Variants in TLL2 observed in about 807,000 individuals in gnomAD.
TLL2 encodes tolloid-like protein 2.
Under a neutral mutation model 123.0 loss-of-function variants are expected in TLL2, and 106 were observed. The observed-to-expected ratio is 0.86, with a 90% CI of 0.74 to 1.01. The LOEUF (loss-of-function observed/expected upper bound fraction) is 1.01, where lower values mean the gene tolerates loss of function less well. Ranked by LOEUF, TLL2 falls within the 50% of genes least tolerant of loss-of-function variation. The probability of loss-of-function intolerance (pLI) is 0.00; values close to 1 mark genes in which losing one functional copy is unlikely to be tolerated. For synonymous variants in TLL2, 494 were observed against 516.8 expected, an observed-to-expected ratio of 0.96 and a Z score of 0.60; for missense variants, 1,332 against 1,336.7, an observed-to-expected ratio of 1.00 and a Z score of 0.06.
Position 96,446,137 on chromosome 10 carries a change from GCTGCTCTCAGATGC to G in TLL2, c.304_317del (p.Ala102ProfsTer75). The G allele has an allele frequency of 6.2e-7, 1 of 1,614,066 alleles. No individual in the cohort carries two copies. The highest frequency in any genetic ancestry group is 8.5e-7 in the Non-Finnish European group (1 of 1,180,000). On this transcript the variant is annotated frameshift_variant, in exon 3 of 21. Coordinates refer to ENST00000357947, the MANE Select transcript of TLL2 (RefSeq NM_012465.4). LOFTEE classifies it high-confidence loss of function. The stretch of plus-strand genomic sequence containing the variant: ...CAGTGTCCATGGCTGTGGTGTCTGG[GCTGCTCTCAGATGC>G]CTGCTCTTCAAGCCCACCTAGAGGA...
intron 1 of TLL2, among the ~76,000 whole-genome samples, chr10:96,497,084 T>C (rs1847484203): frequency 6.6e-6 from 1 of 151,238 alleles, no homozygotes; most frequent in African/African-American, 2.4e-5. Flanking sequence ...AGTTTAAAAC[T>C]AGCCTGGGAA....
intron 10 of TLL2, among the ~76,000 whole-genome samples, chr10:96,403,661 C>T (rs2134066739): frequency 6.6e-6 from 1 of 152,274 alleles, no homozygotes; most frequent in Non-Finnish European, 1.5e-5. Flanking sequence ...ATGAGAAAGA[C>T]CTGACCGTCC....
chr10:96,411,839 G>A (rs78286067), intron 8 of TLL2, among the ~76,000 whole-genome samples: 4 of 152,170 alleles, frequency 2.6e-5, no homozygotes, highest in Non-Finnish European at 4.4e-5. Context: ...GCCCATTATC[G>A]GCCTCAGGAA....
intron 3 of TLL2, among the ~76,000 whole-genome samples, chr10:96,438,718 T>C (rs1846821521): frequency 1.3e-5 from 2 of 152,364 alleles, no homozygotes; most frequent in South Asian, 4.1e-4. Context: ...AAAGCAGACA[T>C]CCTTGCCTTG....
intron 11 of TLL2, 99 bp from the exon 12 acceptor site, chr10:96,396,119 C>G: frequency 8.6e-6 from 12 of 1,391,286 alleles, no homozygotes; most frequent in South Asian, 1.6e-5. Flanking sequence ...CTTGCCACCA[C>G]TAGGTGGCTC....
chr10:96,450,696 G>A (rs1172538017), intron 2 of TLL2, among the ~76,000 whole-genome samples: 2 of 152,126 alleles, frequency 1.3e-5, no homozygotes, highest in East Asian at 1.9e-4. Flanking sequence ...AAATGAGTAC[G>A]ACAGGTGTGG....
chr10:96,388,582 T>C (rs546548790), intron 13 of TLL2, among the ~76,000 whole-genome samples: 1 of 152,298 alleles, frequency 6.6e-6, no homozygotes, highest in African/African-American at 2.4e-5. Context: ...ACTTGAAAAC[T>C]CCCAGAGACA....
chr10:96,397,193 C>T lies in TLL2; in HGVS notation c.1377G>A (p.Ala459=), dbSNP rs750004312. 3.7e-5 allele frequency: 60 copies of T among 1,613,132 alleles called. 1 individual carries two copies. The highest frequency in any genetic ancestry group is 3.3e-4 in the Middle Eastern group (2 of 6,080). The change falls in exon 11 of 21, where the codon GCG becomes GCA. Residue 459 remains alanine (A), a synonymous_variant. Transcript: ENST00000357947. Reference sequence around the variant, plus strand: ...CTTTCACCTCGCACAAACCTTCGTACGCTGCAAAGAAGCCCTTGCCCAAGA... The same window carrying T: ...CTTTCACCTCGCACAAACCTTCGTATGCTGCAAAGAAGCCCTTGCCCAAGA... ...SNILGKGFFA[A]YEATCGGDMN... is the part of the protein sequence containing the mutation.
chr10:96,380,692 C>CAAAA (rs57395382), intron 16 of TLL2, among the ~76,000 whole-genome samples: 29 of 53,108 alleles, frequency 5.5e-4, no homozygotes, highest in Non-Finnish European at 6.9e-4. Flanking sequence ...GACTCTATCT[C>CAAAA]AAAAAAAAAA....
chr10:96,432,036 G>A (rs757827953), intron 4 of TLL2, among the ~76,000 whole-genome samples: 2 of 152,110 alleles, frequency 1.3e-5, no homozygotes, highest in Non-Finnish European at 2.9e-5. Context: ...AGGCCAGGCA[G>A]GAGAGGGACA....
intron 1 of TLL2, among the ~76,000 whole-genome samples, chr10:96,512,474 C>T (rs1398193586): frequency 1.3e-5 from 2 of 152,372 alleles, no homozygotes; most frequent in Middle Eastern, 6.8e-3. Context: ...CCGGCCACAG[C>T]CCCGGGAAGG....
At chr10:96,386,286 C>T in intron 14 of TLL2, 71 bp from the exon 15 acceptor site, 1 of 1,410,762 alleles carries the variant, frequency 7.1e-7, no homozygotes, top group East Asian at 2.4e-5. Flanking sequence ...CCACCAGGAG[C>T]AATAGAGCCT....
chr10:96,429,616 T>C lies in TLL2; in HGVS notation c.521-868A>G, dbSNP rs765009847. ...GTTTTTCGATTTGGAAACTGCAGGC[T>C]TTTGAAGTAGGGGGGAGTCAACTCC... On this transcript the variant is annotated intron_variant, in intron 4 of 20. Transcript: ENST00000357947. Among the ~76,000 whole-genome samples, 123 of 152,202 alleles carry C rather than the reference T, an allele frequency of 8.1e-4. 1 individual carries two copies. The highest frequency in any genetic ancestry group is 7.2e-4 in the Non-Finnish European group (49 of 68,040).
chr10:96,510,512 T>C (rs191900902), intron 1 of TLL2, among the ~76,000 whole-genome samples: 1 of 152,358 alleles, frequency 6.6e-6, no homozygotes, highest in Admixed American at 6.5e-5. Context: ...AAGATATTCT[T>C]TCCATCAGTT....
intron 3 of TLL2, among the ~76,000 whole-genome samples, chr10:96,443,554 C>G (rs758956641): frequency 1.2e-4 from 18 of 152,190 alleles, no homozygotes; most frequent in Non-Finnish European, 2.6e-4. Flanking sequence ...CAAAGAACCA[C>G]CCTACTGAAC....
chr10:96,388,107 A>G (rs980485231), intron 13 of TLL2, among the ~76,000 whole-genome samples: 6 of 152,138 alleles, frequency 3.9e-5, no homozygotes, highest in Non-Finnish European at 7.3e-5. Flanking sequence ...GGAACACAGT[A>G]AGTATAAAGT....
intron 1 of TLL2, among the ~76,000 whole-genome samples, chr10:96,512,649 T>C (rs927011901): frequency 1.3e-5 from 2 of 152,216 alleles, no homozygotes; most frequent in Non-Finnish European, 2.9e-5. Flanking sequence ...GCCCAGCATC[T>C]CCCTGGGAGC....
intron 2 of TLL2, among the ~76,000 whole-genome samples, chr10:96,477,146 G>A (rs950468233): frequency 6.2e-5 from 9 of 145,312 alleles, no homozygotes; most frequent in Middle Eastern, 3.7e-3. Flanking sequence ...CTAGGTAGAC[G>A]CAAAGTACTA....
intron 1 of TLL2, 99 bp from the exon 2 acceptor site, chr10:96,480,558 T>G (rs370639827): frequency 2.1e-6 from 2 of 956,596 alleles, no homozygotes. Flanking sequence ...GTGGTAAACT[T>G]TGGAAAAGAC....
Sources: gnomAD v4.1 joint callset for allele counts (sites outside exome capture counted in the v4.1 genomes callset) on GRCh38, gnomAD v4.1.1 for gene constraint, MANE v1.5 for transcripts, NCBI Gene and HGNC (gene_info 2026-07-23, HGNC 2026-07-21) for gene names.